Variants in PHACTR2 observed in about 807,000 individuals in gnomAD.
PHACTR2 encodes the protein phosphatase and actin regulator 2, also known as chromosome 6 open reading frame 56.
PHACTR2 carries 30 observed loss-of-function variants against 76.0 expected under a neutral mutation model. That is an observed-to-expected ratio of 0.39 (90% CI 0.30 to 0.54). PHACTR2 has a LOEUF of 0.54. PHACTR2 is among the 20% of genes least tolerant of loss of function. The pLI is 0.61. For missense variants in PHACTR2, 696 were observed against 781.1 expected (o/e 0.89, Z 1.30); for synonymous variants, 292 against 292.5 (o/e 1.00, Z 0.02).
rs754713556 is a variant in PHACTR2, at chr6:143,551,293, T to G, written c.217+14086T>G. 9.3e-5 allele frequency among the ~76,000 whole-genome samples: 14 copies of G among 149,760 alleles called. 1 individual carries two copies. The highest frequency in any genetic ancestry group is 1.7e-4 in the Non-Finnish European group (11 of 66,476). On this transcript the variant is annotated intron_variant, in intron 1 of 11. Transcript: ENST00000367584. ...TTTTTCCATTCATACATACCTATGA[T>G]AGAGTTTAATTTTAAAATTAGGTAC... is the stretch of plus-strand genomic sequence containing the variant.
In PHACTR2 at chr6:143,591,656, G is replaced by A. The variant is rs897518619; in HGVS notation, c.217+54449G>A. Among the ~76,000 whole-genome samples, 13 of 152,218 alleles carry A rather than the reference G, an allele frequency of 8.5e-5. No individual in the cohort carries two copies. The highest frequency in any genetic ancestry group is 1.3e-4 in the Non-Finnish European group (9 of 68,044). On this transcript the variant is annotated intron_variant, in intron 1 of 11. Transcript: ENST00000367584. The surrounding 1 kb of genome is among the most constrained non-coding windows in gnomAD (Gnocchi z 6.4). Reference sequence around the variant, plus strand: ...GGCTGTGAAGGCCAAATGGAATTGAGGACATCTCAGAGAATTCCAGTGGCG... The same window carrying A: ...GGCTGTGAAGGCCAAATGGAATTGAAGACATCTCAGAGAATTCCAGTGGCG...
At chr6:143,544,439 A>G (rs1781204138) in intron 1 of PHACTR2, among the ~76,000 whole-genome samples, 1 of 152,160 alleles carries the variant, frequency 6.6e-6, no homozygotes. Flanking sequence ...GTGTAATCTT[A>G]GGACAGATTG....
intron 1 of PHACTR2, among the ~76,000 whole-genome samples, chr6:143,649,870 G>T (rs754423718): frequency 1.3e-5 from 2 of 152,138 alleles, no homozygotes; most frequent in Non-Finnish European, 2.9e-5. Flanking sequence ...AAGAAATAAA[G>T]GGTATCCAAA....
chr6:143,613,495 C>T (rs1776012797), intron 1 of PHACTR2, among the ~76,000 whole-genome samples: 1 of 152,142 alleles, frequency 6.6e-6, no homozygotes, highest in Admixed American at 6.5e-5. Flanking sequence ...TGACCTCCTG[C>T]GAGTAAACTG....
rs2128435226 is a variant in PHACTR2 at position 143,596,890 on chromosome 6, G to A, written c.217+59683G>A. Among the ~76,000 whole-genome samples the A allele has an allele frequency of 6.6e-6, 1 of 152,312 alleles. No homozygotes were observed. The highest frequency in any genetic ancestry group is 2.4e-5 in the African/African-American group (1 of 41,570). On this transcript the variant is annotated intron_variant, in intron 1 of 11. Coordinates refer to the PHACTR2 transcript ENST00000367584. This position sits in a 1 kb window ranked among gnomAD's most constrained non-coding sequence, Gnocchi z 4.6. ...AATCATGGCGTCCAACTCTGGGGCT[G>A]TTGCTAGGGCTCTGCAGCCCTTGCT...
chr6:143,771,178 A>ATATG (rs1775112198), intron 6 of PHACTR2, among the ~76,000 whole-genome samples: 8 of 26,106 alleles, frequency 3.1e-4, no homozygotes, highest in African/African-American at 8.4e-4. Flanking sequence ...ATATATGTAT[A>ATATG]TATATATATA....
intron 1 of PHACTR2, among the ~76,000 whole-genome samples, chr6:143,707,524 C>T (rs1047650217): frequency 6.6e-6 from 1 of 152,148 alleles, no homozygotes; most frequent in Non-Finnish European, 1.5e-5. Flanking sequence ...GAATACTATG[C>T]CACATTAGTC....
At chr6:143,740,462 A>G (rs1049318456) in intron 2 of PHACTR2, among the ~76,000 whole-genome samples, 1 of 147,636 alleles carries the variant, frequency 6.8e-6, no homozygotes, top group Non-Finnish European at 1.5e-5. Context: ...CACGCCTCTG[A>G]CACTTTTACA....
Position 143,585,547 on chromosome 6 carries a change from T to C in PHACTR2, c.217+48340T>C, listed in dbSNP as rs527658000. Among the ~76,000 whole-genome samples, 12 of 152,256 alleles carry C rather than the reference T, an allele frequency of 7.9e-5. No individual in the cohort carries two copies. The highest frequency in any genetic ancestry group is 2.9e-4 in the African/African-American group (12 of 41,554). ...CCGCATACCAAGCAGGAGGCCATAC[T>C]GTGGCCCTGTAGCTCAGGGAACATA... On this transcript the variant is annotated intron_variant, in intron 1 of 11. Transcript: ENST00000367584. The surrounding 1 kb of genome is among the most constrained non-coding windows in gnomAD (Gnocchi z 5.2).
rs1053539784 is a variant in PHACTR2 at position 143,562,172 on chromosome 6, T to C, written c.217+24965T>C. On this transcript the variant is annotated intron_variant, in intron 1 of 11. Coordinates refer to the PHACTR2 transcript ENST00000367584. This position sits in a 1 kb window ranked among gnomAD's most constrained non-coding sequence, Gnocchi z 5.1. ...TGTTGTGTTGGAATAATCTGTTTAC[T>C]TGATGTATTAGGCCATTCTTGCACT... 2.0e-5 allele frequency: 3 copies of C among 152,298 alleles called. No homozygotes were observed. The highest frequency in any genetic ancestry group is 7.2e-5 in the African/African-American group (3 of 41,462). The allele number at this position is 152,298 out of a possible 1,614,324, so 9.4% of individuals were successfully genotyped here.
At position 143,787,395 on chromosome 6, in the gene PHACTR2, C is replaced by T. The variant is rs1775580368; in HGVS notation, c.1708-1378C>T. On this transcript the variant is annotated intron_variant, in intron 10 of 12. Coordinates refer to ENST00000440869, the MANE Select transcript of PHACTR2 (RefSeq NM_001100164.2). This position sits in a 1 kb window ranked among gnomAD's most constrained non-coding sequence, Gnocchi z 4.6. ...GGACAGCAACTAGACTATAGCAGAT[C>T]ACTTAGATTATTCTTTCTCTTGTCC... Among the ~76,000 whole-genome samples, 1 of 152,226 alleles carries T rather than the reference C, an allele frequency of 6.6e-6. No homozygotes were observed. The highest frequency in any genetic ancestry group is 1.5e-5 in the Non-Finnish European group (1 of 68,042).
chr6:143,739,788 G>C lies in PHACTR2; in HGVS notation c.215-9197G>C, dbSNP rs1244344473. Among the ~76,000 whole-genome samples, 1 of 152,168 alleles carries C rather than the reference G, an allele frequency of 6.6e-6. No homozygotes were observed. Among genetic ancestry groups the C allele is most frequent in the Non-Finnish European group, 1.5e-5 (1 of 68,020 alleles). ...TTAGAACCATAGGTCCCCATGGGCT[G>C]ATCTCCCATGTCCATTCCCTTCTGC... On this transcript the variant is annotated intron_variant, in intron 2 of 12. Transcript: ENST00000440869. The surrounding 1 kb of genome is among the most constrained non-coding windows in gnomAD (Gnocchi z 4.3).
In PHACTR2 at chr6:143,679,671, CA is replaced by C; in HGVS notation, c.46+1465del. Among the ~76,000 whole-genome samples the C allele has an allele frequency of 6.6e-6, 1 of 151,982 alleles. No individual in the cohort carries two copies. Among genetic ancestry groups the C allele is most frequent in the Non-Finnish European group, 1.5e-5 (1 of 67,998 alleles). On this transcript the variant is annotated intron_variant, in intron 1 of 12. Coordinates refer to ENST00000440869, the MANE Select transcript of PHACTR2 (RefSeq NM_001100164.2). This position sits in a 1 kb window ranked among gnomAD's most constrained non-coding sequence, Gnocchi z 4.6. ...ATTACTCGAGTGAATATTAGAAAAG[CA>C]AATTTTGCCTTAATAAAAATCAAGG...
rs1054587470 is a variant in PHACTR2, at chr6:143,672,878, C to T, written c.14-39138C>T. On this transcript the variant is annotated intron_variant, in intron 1 of 11. Coordinates refer to the PHACTR2 transcript ENST00000305766. This position sits in a 1 kb window ranked among gnomAD's most constrained non-coding sequence, Gnocchi z 5.8. ...TAGCTGAGATTACAGGAGTGCACCACCACGCCTGGCTAATTTTTGTATTTT... is the reference window on the plus strand; with the variant it reads ...TAGCTGAGATTACAGGAGTGCACCATCACGCCTGGCTAATTTTTGTATTTT... 6.6e-6 allele frequency among the ~76,000 whole-genome samples: 1 copy of T among 152,102 alleles called. No homozygotes were observed. The highest frequency in any genetic ancestry group is 2.4e-5 in the African/African-American group (1 of 41,404).
intron 1 of PHACTR2, chr6:143,555,236 G>A (rs1001682932): frequency 2.2e-4 from 33 of 152,046 alleles, no homozygotes; most frequent in African/African-American, 7.7e-4. Flanking sequence ...TTAACCTGGG[G>A]AAAAATACAG....
chr6:143,711,170 C>T, intron 1 of PHACTR2: 1 of 383,468 alleles, frequency 2.6e-6, no homozygotes, highest in South Asian at 2.0e-5. Context: ...GTTATTTCTG[C>T]CTCCAAGAAA....
intron 2 of PHACTR2, among the ~76,000 whole-genome samples, chr6:143,748,169 G>A (rs979116250): frequency 7.8e-4 from 118 of 152,228 alleles, no homozygotes; most frequent in African/African-American, 2.7e-3. Context: ...GGGTTCAGGC[G>A]ATTTTCCTGC....
chr6:143,650,534 T>C (rs1776742365), intron 1 of PHACTR2, among the ~76,000 whole-genome samples: 2 of 152,142 alleles, frequency 1.3e-5, no homozygotes, highest in African/African-American at 2.4e-5. Flanking sequence ...ACCACACACC[T>C]ATAATCATCT....
In PHACTR2 at chr6:143,663,686, G is replaced by T. The variant is rs1776982404; in HGVS notation, c.14-48330G>T. ...AATTGGATTTTCTTGTGTTACTTAG[G>T]AGTATGTTTCTTTCAGTTTCTAAAA... On this transcript the variant is annotated intron_variant, in intron 1 of 11. Transcript: ENST00000305766. The surrounding 1 kb of genome is among the most constrained non-coding windows in gnomAD (Gnocchi z 4.1). Among the ~76,000 whole-genome samples the T allele has an allele frequency of 6.6e-6, 1 of 151,950 alleles. No individual in the cohort carries two copies. Among genetic ancestry groups the T allele is most frequent in the Non-Finnish European group, 1.5e-5 (1 of 67,986 alleles).
Sources: gnomAD v4.1 joint callset for allele counts (sites outside exome capture counted in the v4.1 genomes callset) on GRCh38, gnomAD v4.1.1 for gene constraint, Gnocchi (gnomAD v3.1) non-coding constraint, MANE v1.5 for transcripts, NCBI Gene and HGNC (gene_info 2026-07-23, HGNC 2026-07-21) for gene names.